Variants in SLC16A3 observed in about 807,000 individuals in gnomAD.
SLC16A3 encodes monocarboxylate transporter 4.
Under a neutral mutation model 25.0 loss-of-function variants are expected in SLC16A3, and 22 were observed. The ratio of observed to expected loss-of-function variants is 0.88; its 90% CI spans 0.63 to 1.26. The LOEUF (loss-of-function observed/expected upper bound fraction) is 1.26. Among genes scored for constraint, SLC16A3 ranks in the 50% most tolerant of loss-of-function variants. The pLI is 0.00. For synonymous variants in SLC16A3, 390 were observed against 309.2 expected (o/e 1.26, Z -2.74); for missense variants, 731 against 666.6 (o/e 1.10, Z -1.06).
upstream of SLC16A3, among the ~76,000 whole-genome samples, chr17:82,226,858 C>T (rs887828028): frequency 6.6e-6 from 1 of 152,286 alleles, no homozygotes; most frequent in Admixed American, 6.5e-5. Context: ...CCCAAGTGGC[C>T]TGCTTGATAG....
chr17:82,232,677 G>C (rs112004357), intron 1 of SLC16A3, among the ~76,000 whole-genome samples: 1 of 152,170 alleles, frequency 6.6e-6, no homozygotes, highest in African/African-American at 2.4e-5. Context: ...CTGCACCCTC[G>C]AGGGAACTGC....
Position 82,238,868 on chromosome 17 carries a change from C to T in SLC16A3, c.1290C>T (p.His430=), listed in dbSNP as rs1029250404. The part of the protein sequence containing the change: ...EVAAAEEEKL[H]KPPADSGVDL... ...CGGCCGCGGAGGAGGAGAAGCTCCACAAGCCTCCTGCAGACTCGGGGGTGG... is the reference window on the plus strand; with the variant it reads ...CGGCCGCGGAGGAGGAGAAGCTCCATAAGCCTCCTGCAGACTCGGGGGTGG... The change falls in exon 5 of 5, where the codon CAC becomes CAT. Residue 430 remains histidine, a synonymous_variant. Coordinates refer to ENST00000582743, the MANE Select transcript of SLC16A3 (RefSeq NM_004207.4). The T allele has an allele frequency of 1.2e-6, 2 of 1,611,762 alleles. No individual in the cohort carries two copies. Among genetic ancestry groups the T allele is most frequent in the East Asian group, 2.2e-5 (1 of 44,858 alleles).
chr17:82,218,723 C>T (rs974358036), intron 1 of SLC16A3, among the ~76,000 whole-genome samples: 4 of 152,176 alleles, frequency 2.6e-5, no homozygotes, highest in Admixed American at 6.5e-5. Flanking sequence ...GTGCTGACCA[C>T]GGCAGAAGGG....
chr17:82,223,637 C>T (rs111668363), upstream of SLC16A3, among the ~76,000 whole-genome samples: 1,309 of 152,192 alleles, frequency 8.6e-3, 23 homozygotes, highest in African/African-American at 0.028. Flanking sequence ...CTCAGCCTCC[C>T]GAGTAGTTGG....
rs368832915 is a variant in SLC16A3, at chr17:82,237,448, C to T, written c.678C>T (p.Arg226=). The change falls in exon 4 of 5, where the codon CGC becomes CGT. Residue 226 remains arginine (R), a synonymous_variant. Coordinates refer to ENST00000582743, the MANE Select transcript of SLC16A3 (RefSeq NM_004207.4). ...RLLDLSVFRD[R]GFVLYAVAAS... is the part of the protein sequence containing the mutation. Reference sequence around the variant, plus strand: ...TAGACCTGAGCGTCTTCCGGGACCGCGGCTTTGTGCTTTACGCCGTGGCCG... The same window carrying T: ...TAGACCTGAGCGTCTTCCGGGACCGTGGCTTTGTGCTTTACGCCGTGGCCG... 26 of 1,599,792 alleles carry T rather than the reference C, an allele frequency of 1.6e-5. No homozygotes were observed. The highest frequency in any genetic ancestry group is 6.8e-5 in the Admixed American group (4 of 58,498).
At chr17:82,236,945 G>A in intron 3 of SLC16A3, 73 bp downstream of exon 3, 1 of 1,568,506 alleles carries the variant, frequency 6.4e-7, no homozygotes, top group East Asian at 2.3e-5. Flanking sequence ...CCTGGGTCCA[G>A]GCCTCTGGAG....
At chr17:82,221,499 G>T (rs945895209) in intron 1 of SLC16A3, among the ~76,000 whole-genome samples, 10 of 152,000 alleles carry the variant, frequency 6.6e-5, no homozygotes, top group Non-Finnish European at 1.2e-4. Context: ...AACCCGGGAG[G>T]TGAAGGCTGC....
chr17:82,219,918 A>G (rs2050378817), intron 1 of SLC16A3, among the ~76,000 whole-genome samples: 1 of 152,158 alleles, frequency 6.6e-6, no homozygotes, highest in Non-Finnish European at 1.5e-5. Context: ...CCCAGCCCCC[A>G]GCTCAAGAGG....
intron 1 of SLC16A3, chr17:82,235,540 C>A: frequency 5.3e-6 from 1 of 189,696 alleles, no homozygotes; most frequent in Admixed American, 5.4e-5. Flanking sequence ...AGGATGCCAA[C>A]CCCAGAGGTC....
chr17:82,238,614 TGAGACACC>T (rs1348246373), intron 4 of SLC16A3, 80 bp from the exon 5 acceptor site: 3 of 1,360,244 alleles, frequency 2.2e-6, no homozygotes, highest in South Asian at 1.5e-5. Flanking sequence ...CCTTGCGTGC[TGAGACACC>T]GAGACACAGG....
intron 1 of SLC16A3, among the ~76,000 whole-genome samples, chr17:82,222,145 C>T (rs971676386): frequency 6.9e-6 from 1 of 144,902 alleles, no homozygotes; most frequent in African/African-American, 2.6e-5. Context: ...TCCGCTCCCA[C>T]GTTCGTGGAG....
chr17:82,239,825 G>T lies in SLC16A3; in HGVS notation c.*849G>T. The T allele has an allele frequency of 2.4e-6, 1 of 416,738 alleles. No homozygotes were observed. The highest frequency in any genetic ancestry group is 4.1e-6 in the Non-Finnish European group (1 of 243,656). The allele number at this position is 416,738 out of a possible 1,614,324, so 25.8% of individuals were successfully genotyped here. A position where few individuals can be genotyped will look rare whatever the true frequency, so the allele number is the denominator to read the frequency against. On this transcript the variant is annotated 3_prime_UTR_variant, in exon 5 of 5. Coordinates refer to ENST00000582743, the MANE Select transcript of SLC16A3 (RefSeq NM_004207.4). ...CTGCCTGGCTGGCAGTGTGCGTGGT[G>T]TGGTCAGTGCCCAGGGCTGGTCTTT...
chr17:82,228,695 CGCGCTGCGCTCCGAGGCG>C (rs773624762), upstream of SLC16A3: 1 of 152,310 alleles, frequency 6.6e-6, no homozygotes, highest in Non-Finnish European at 1.5e-5. Context: ...TGGGACCTGC[CGCGCTGCGCTCCGAGGCG>C]GGGAAACGGA....
At chr17:82,228,877 G>C (rs956564763), upstream of SLC16A3, among the ~76,000 whole-genome samples, 6 of 150,886 alleles carry the variant, frequency 4.0e-5, no homozygotes, top group Admixed American at 6.6e-5. Context: ...GGCCCGGCGG[G>C]GTTGCGGGAC....
chr17:82,237,796 G>A lies in SLC16A3; in HGVS notation c.1026G>A (p.Val342=), dbSNP rs1467135290. 6.2e-7 allele frequency: 1 copy of A among 1,611,154 alleles called. No homozygotes were observed. The highest frequency in any genetic ancestry group is 1.7e-5 in the Admixed American group (1 of 60,014). The change falls in exon 4 of 5, where the codon GTG becomes GTA. Residue 342 remains valine (V), a synonymous_variant. Coordinates refer to ENST00000582743, the MANE Select transcript of SLC16A3 (RefSeq NM_004207.4). ...TGGTGGGGGCCCTGCAGTTCGAGGT[G>A]CTCATGGCCATCGTGGGCACCCACA... The part of the protein sequence containing the change: ...YGMVGALQFE[V]LMAIVGTHKF...
chr17:82,239,076 T>G lies in SLC16A3; in HGVS notation c.*100T>G. 8.2e-7 allele frequency: 1 copy of G among 1,226,550 alleles called. No homozygotes were observed. Among genetic ancestry groups the G allele is most frequent in the South Asian group, 1.7e-5 (1 of 57,340 alleles). 76.0% of individuals were successfully genotyped at this position (1,226,550 alleles called of 1,614,324 possible). A position where few individuals can be genotyped will look rare whatever the true frequency, so the allele number is the denominator to read the frequency against. On this transcript the variant is annotated 3_prime_UTR_variant, in exon 5 of 5. Coordinates refer to ENST00000582743, the MANE Select transcript of SLC16A3 (RefSeq NM_004207.4). ...GGACTGGCTCAGGCAGGGCCACGGC[T>G]GGGCTCCAGCTGCCGGCCCAGCGGA...
chr17:82,226,981 C>T (rs567716108), upstream of SLC16A3, among the ~76,000 whole-genome samples: 2 of 152,284 alleles, frequency 1.3e-5, no homozygotes, highest in African/African-American at 4.8e-5. Flanking sequence ...CCAGTCAAAG[C>T]CCACAGACTT....
chr17:82,237,520 G>A lies in SLC16A3; in HGVS notation c.750G>A (p.Val250=), dbSNP rs763511242. The A allele has an allele frequency of 6.8e-6, 11 of 1,611,562 alleles. No individual in the cohort carries two copies. In the African/African-American group the frequency reaches 8.0e-5, roughly 12 times the overall value. Residue 250 remains valine, a synonymous_variant, in exon 4 of 5, where the codon GTG becomes GTA. Transcript: ENST00000582743. ...TCTTCGTCCCGCCCGTGTTCGTGGT[G>A]AGCTACGCCAAGGACCTGGGCGTGC... ...LGLFVPPVFV[V]SYAKDLGVPD... is the part of the protein sequence containing the mutation.
In SLC16A3 at chr17:82,237,217, CG is replaced by C; in HGVS notation, c.450del (p.Leu151TrpfsTer13). On this transcript the variant is annotated frameshift_variant, in exon 4 of 5. Transcript: ENST00000582743. LOFTEE classifies it high-confidence loss of function. ...TCAGCAAGCGGCGCCCCATGGCCAA[CG>C]GGCTGGCGGCAGCAGGTAGCCCTGT... ...YFSKRRPMAN[G>X]LAAAGSPVFL... 4 of 1,544,380 alleles carry C rather than the reference CG, an allele frequency of 2.6e-6. No individual in the cohort carries two copies. The highest frequency in any genetic ancestry group is 3.5e-6 in the Non-Finnish European group (4 of 1,144,668).
Sources: gnomAD v4.1 joint callset for allele counts (sites outside exome capture counted in the v4.1 genomes callset) on GRCh38, gnomAD v4.1.1 for gene constraint, MANE v1.5 for transcripts, NCBI Gene and HGNC (gene_info 2026-07-23, HGNC 2026-07-21) for gene names.